The following NOVA1 variants were observed in gnomAD, a reference collection of about 807,000 sequenced individuals.
The protein encoded by NOVA1 is NOVA alternative splicing regulator 1, also known as RNA-binding protein Nova-1.
A neutral mutation model predicts 38.0 loss-of-function variants in NOVA1; 7 were observed. That is an observed-to-expected ratio of 0.18 (90% CI 0.10 to 0.35). The LOEUF (loss-of-function observed/expected upper bound fraction) is 0.35, where lower values mean the gene tolerates loss of function less well. Among genes scored for constraint, NOVA1 ranks in the 10% least tolerant of loss-of-function variants. NOVA1 has a pLI of 1.00. For missense variants in NOVA1, 460 were observed against 616.0 expected (o/e 0.75, Z 2.68); for synonymous variants, 270 against 232.5 (o/e 1.16, Z -1.47).
intron 2 of NOVA1, among the ~76,000 whole-genome samples, chr14:26,522,575 G>C (rs1888974026): frequency 6.6e-6 from 1 of 152,038 alleles, no homozygotes; most frequent in African/African-American, 2.4e-5. Context: ...ATGTGGGTTA[G>C]AGTCAGATTC....
chr14:26,448,996 T>C lies in NOVA1; in HGVS notation c.520-33A>G, dbSNP rs997950687. On this transcript the variant is annotated intron_variant, in intron 4 of 4. Coordinates refer to ENST00000539517, the MANE Select transcript of NOVA1 (RefSeq NM_002515.3). The surrounding 1 kb of genome is among the most constrained non-coding windows in gnomAD (Gnocchi z 5.3). The stretch of plus-strand genomic sequence containing the variant: ...TAAAAAAAATACGTATAAATAATAC[T>C]TCTGTTTTGTGCATATACATTATAT... 57 of 1,552,902 alleles carry C rather than the reference T, an allele frequency of 3.7e-5. No individual in the cohort carries two copies. Among genetic ancestry groups the C allele is most frequent in the Non-Finnish European group, 4.6e-5 (53 of 1,145,740 alleles).
chr14:26,478,771 A>C (rs1428709778), intron 3 of NOVA1, among the ~76,000 whole-genome samples: 3 of 151,984 alleles, frequency 2.0e-5, no homozygotes, highest in Non-Finnish European at 4.4e-5. Flanking sequence ...TGAAGGGTAT[A>C]AACTGAACCA....
chr14:26,454,014 A>C (rs1386201006), intron 4 of NOVA1, among the ~76,000 whole-genome samples: 1 of 152,076 alleles, frequency 6.6e-6, no homozygotes, highest in Non-Finnish European at 1.5e-5. Flanking sequence ...TCTCATTCTT[A>C]GTGTATGTGC....
chr14:26,470,101 C>A, intron 4 of NOVA1: 2 of 554,378 alleles, frequency 3.6e-6, no homozygotes, highest in East Asian at 2.3e-4. Context: ...AAATGCAGAT[C>A]AAACTTACTC....
At chr14:26,566,016 A>G (rs1199192774) in intron 2 of NOVA1, among the ~76,000 whole-genome samples, 4 of 152,180 alleles carry the variant, frequency 2.6e-5, no homozygotes, top group African/African-American at 9.6e-5. Flanking sequence ...TGGCAAACAA[A>G]GGGATGAAAA....
At chr14:26,490,842 G>GTTTT (rs71121880) in intron 2 of NOVA1, among the ~76,000 whole-genome samples, 50 of 70,806 alleles carry the variant, frequency 7.1e-4, no homozygotes, top group East Asian at 2.6e-3. Flanking sequence ...CATCTGGCTA[G>GTTTT]TTTTTTTTTT....
intron 2 of NOVA1, among the ~76,000 whole-genome samples, chr14:26,487,643 A>C (rs990096498): frequency 6.6e-6 from 1 of 152,168 alleles, no homozygotes; most frequent in African/African-American, 2.4e-5. Flanking sequence ...CTAAGAATGT[A>C]ATATTAGGCC....
chr14:26,548,090 G>C lies in NOVA1; in HGVS notation c.280+47320C>G, dbSNP rs994396457. On this transcript the variant is annotated intron_variant, in intron 2 of 4. Coordinates refer to ENST00000539517, the MANE Select transcript of NOVA1 (RefSeq NM_002515.3). Reference sequence around the variant, plus strand: ...GTTATCTACACTACAAAATTAGATAGATAATTAAAAATCTTTGTAGGAAAT... The same window carrying C: ...GTTATCTACACTACAAAATTAGATACATAATTAAAAATCTTTGTAGGAAAT... Among the ~76,000 whole-genome samples the C allele has an allele frequency of 2.0e-5, 3 of 151,890 alleles. No individual in the cohort carries two copies. In the East Asian group the frequency reaches 5.8e-4, roughly 29 times the overall value.
intron 4 of NOVA1, 69 bp downstream of exon 4, chr14:26,472,251 A>G (rs778459360): frequency 2.2e-6 from 2 of 904,292 alleles, no homozygotes; most frequent in Non-Finnish European, 3.7e-6. Context: ...ACCCACCATT[A>G]TCTTTTTCTC....
At chr14:26,453,336 T>C (rs1324918193) in intron 4 of NOVA1, among the ~76,000 whole-genome samples, 1 of 151,986 alleles carries the variant, frequency 6.6e-6, no homozygotes, top group East Asian at 1.9e-4. Flanking sequence ...GCCTCCTGAG[T>C]AGCTGGGATT....
chr14:26,597,919 G>C lies in NOVA1; in HGVS notation c.-483C>G, dbSNP rs183906793. 6.6e-6 allele frequency among the ~76,000 whole-genome samples: 1 copy of C among 151,228 alleles called. No individual in the cohort carries two copies. The highest frequency in any genetic ancestry group is 2.4e-5 in the African/African-American group (1 of 41,130). ...AGGAGGTGGATGCCGAGAGAGGAGC[G>C]AGCGGCAGAGGAGGGCAGGAGCCGG... On this transcript the variant is annotated 5_prime_UTR_variant, in exon 1 of 5. Coordinates refer to ENST00000539517, the MANE Select transcript of NOVA1 (RefSeq NM_002515.3).
intron 2 of NOVA1, among the ~76,000 whole-genome samples, chr14:26,571,887 G>A (rs985329146): frequency 2.8e-4 from 43 of 152,230 alleles, no homozygotes; most frequent in Non-Finnish European, 4.4e-4. Flanking sequence ...AATTGGGGGA[G>A]GAGAGAGACA....
At chr14:26,546,878 G>C (rs1040239272) in intron 2 of NOVA1, among the ~76,000 whole-genome samples, 1 of 152,092 alleles carries the variant, frequency 6.6e-6, no homozygotes, top group African/African-American at 2.4e-5. Flanking sequence ...AATTAGCTGG[G>C]TGTGGTGGCA....
chr14:26,528,670 A>G (rs1017537344), intron 2 of NOVA1, among the ~76,000 whole-genome samples: 4 of 152,148 alleles, frequency 2.6e-5, no homozygotes, highest in African/African-American at 9.7e-5. Flanking sequence ...TTTCAGCTCA[A>G]CTGTTGACCA....
rs940582455 is a variant in NOVA1, at chr14:26,444,162, T to C, written c.*3797A>G. On this transcript the variant is annotated 3_prime_UTR_variant, in exon 5 of 5. Transcript: ENST00000539517. Reference sequence around the variant, plus strand: ...CACCATTAAAATTTCCAAGGAAACATAGGGCCTGTAACGTAGGGATTCCAT... The same window carrying C: ...CACCATTAAAATTTCCAAGGAAACACAGGGCCTGTAACGTAGGGATTCCAT... The C allele has an allele frequency of 3.9e-5, 6 of 152,044 alleles. No homozygotes were observed. The highest frequency in any genetic ancestry group is 2.9e-5 in the Non-Finnish European group (2 of 67,976). The allele number at this position is 152,044 out of a possible 1,614,324, so 9.4% of individuals were successfully genotyped here.
At chr14:26,542,664 T>C (rs1890537153) in intron 2 of NOVA1, among the ~76,000 whole-genome samples, 2 of 150,556 alleles carry the variant, frequency 1.3e-5, no homozygotes, top group East Asian at 2.0e-4. Context: ...TCATCATTTC[T>C]GACCATATCT....
At chr14:26,468,080 G>A (rs868246555) in intron 4 of NOVA1, among the ~76,000 whole-genome samples, 2 of 152,130 alleles carry the variant, frequency 1.3e-5, no homozygotes, top group Non-Finnish European at 2.9e-5. Flanking sequence ...TTGTAGGGTA[G>A]AGGTGGTGAG....
At chr14:26,561,097 G>T (rs1207262279) in intron 2 of NOVA1, among the ~76,000 whole-genome samples, 1 of 152,080 alleles carries the variant, frequency 6.6e-6, no homozygotes, top group African/African-American at 2.4e-5. Flanking sequence ...TTCATGATAG[G>T]GTTTCCGTCC....
chr14:26,492,378 C>A (rs1886412680), intron 2 of NOVA1, among the ~76,000 whole-genome samples: 1 of 152,220 alleles, frequency 6.6e-6, no homozygotes, highest in Non-Finnish European at 1.5e-5. Context: ...ATTCTGGCTA[C>A]AAGTACCAGA....
Sources: allele counts gnomAD v4.1 joint callset (sites outside exome capture counted in the v4.1 genomes callset), GRCh38; gene constraint gnomAD v4.1.1; non-coding constraint Gnocchi (gnomAD v3.1); transcripts MANE v1.5; gene names NCBI Gene and HGNC (gene_info 2026-07-23, HGNC 2026-07-21).